Variants in SNAP91 observed in about 807,000 individuals in gnomAD.
SNAP91 encodes synaptosome associated protein 91, also known as clathrin coat assembly protein AP180.
In SNAP91, 27 loss-of-function variants were observed where a neutral mutation model predicts 100.3. The observed-to-expected ratio is 0.27, with a 90% CI of 0.20 to 0.37. The LOEUF is 0.37. Among genes scored for constraint, SNAP91 ranks in the 10% least tolerant of loss-of-function variants. The pLI, the probability that SNAP91 is intolerant of heterozygous loss-of-function variation, is 1.00. For synonymous variants in SNAP91, 404 were observed against 398.6 expected, an observed-to-expected ratio of 1.01 and a Z score of -0.16; for missense variants, 986 against 1,123.7, an observed-to-expected ratio of 0.88 and a Z score of 1.75.
chr6:83,618,030 A>G (rs915523043), intron 9 of SNAP91, among the ~76,000 whole-genome samples: 1 of 151,960 alleles, frequency 6.6e-6, no homozygotes, highest in Admixed American at 6.6e-5. Context: ...AGGAACTCAC[A>G]GAATTCACAG....
Position 83,618,703 on chromosome 6 carries a change from T to C in SNAP91, c.808-1664A>G, listed in dbSNP as rs1562370087. 5.3e-5 allele frequency among the ~76,000 whole-genome samples: 8 copies of C among 152,122 alleles called. No homozygotes were observed. The South Asian group carries it at 1.5e-3, about 28-fold the overall frequency. On this transcript the variant is annotated intron_variant, in intron 9 of 29. Transcript: ENST00000369694. ...TAATTGCCAGTGATGATGATAATGA[T>C]GATGACGATGATGGAATTTAGGAGG...
intron 26 of SNAP91, among the ~76,000 whole-genome samples, chr6:83,563,371 G>A (rs1442287279): frequency 6.6e-6 from 1 of 151,854 alleles, no homozygotes; most frequent in Non-Finnish European, 1.5e-5. Context: ...AGAAAAGCAG[G>A]GAAATTCCTC....
intron 8 of SNAP91, among the ~76,000 whole-genome samples, chr6:83,627,510 C>G (rs1454716693): frequency 1.3e-5 from 2 of 151,856 alleles, no homozygotes; most frequent in Non-Finnish European, 2.9e-5. Context: ...GGTTTTTTTA[C>G]TACTGAAGTC....
intron 2 of SNAP91, among the ~76,000 whole-genome samples, chr6:83,680,909 G>A (rs760334837): frequency 2.0e-5 from 3 of 152,190 alleles, no homozygotes; most frequent in East Asian, 3.9e-4. Flanking sequence ...GTAGGACCCC[G>A]GGGAAACTGT....
chr6:83,577,778 C>T lies in SNAP91; in HGVS notation c.2300-1725G>A, dbSNP rs188699672. On this transcript the variant is annotated intron_variant, in intron 24 of 29. Transcript: ENST00000369694. Reference sequence around the variant, plus strand: ...CCATAAAATTCACTCTTTTAAAGTACGTAATTCAATGGTTTTAGTTTATTC... The same window carrying T: ...CCATAAAATTCACTCTTTTAAAGTATGTAATTCAATGGTTTTAGTTTATTC... Among the ~76,000 whole-genome samples, 44 of 152,210 alleles carry T rather than the reference C, an allele frequency of 2.9e-4. No individual in the cohort carries two copies. The East Asian group carries it at 4.8e-3, about 17-fold the overall frequency.
intron 8 of SNAP91, among the ~76,000 whole-genome samples, chr6:83,635,846 G>T (rs541803350): frequency 6.6e-6 from 1 of 152,208 alleles, no homozygotes; most frequent in East Asian, 1.9e-4. Flanking sequence ...CCTTAAGCAC[G>T]TCTTTTAAGG....
intron 9 of SNAP91, among the ~76,000 whole-genome samples, chr6:83,622,000 T>C (rs563144009): frequency 3.9e-5 from 6 of 152,248 alleles, no homozygotes; most frequent in African/African-American, 1.4e-4. Context: ...TCTTTGCTTT[T>C]AATTATAGTG....
Position 83,592,530 on chromosome 6 carries a change from A to G in SNAP91, c.1855T>C (p.Phe619Leu). Residue 619 changes from phenylalanine to leucine, a missense_variant, in exon 21 of 30, where the codon TTT becomes CTT. By Grantham distance (22) the Phe-to-Leu change is conservative. Coordinates refer to ENST00000369694, the MANE Select transcript of SNAP91 (RefSeq NM_001242792.2). ...LTADLLSVDA[F>L]AAPSPATTAS... ...GTGGTTGCAGGAGATGGTGCTGCAA[A>G]TGCATCCACTGCAGTGAAGCACAGA... 1 of 1,607,930 alleles carries G rather than the reference A, an allele frequency of 6.2e-7. No individual in the cohort carries two copies. Among genetic ancestry groups the G allele is most frequent in the Non-Finnish European group, 8.5e-7 (1 of 1,177,106 alleles).
At chr6:83,590,587 T>A (rs768158228) in intron 22 of SNAP91, among the ~76,000 whole-genome samples, 1 of 152,108 alleles carries the variant, frequency 6.6e-6, no homozygotes, top group African/African-American at 2.4e-5. Flanking sequence ...GTGGTCTATG[T>A]AATAGCAGTT....
chr6:83,641,149 T>C lies in SNAP91; in HGVS notation c.712A>G (p.Lys238Glu). 2 of 1,546,796 alleles carry C rather than the reference T, an allele frequency of 1.3e-6. No individual in the cohort carries two copies. Among genetic ancestry groups the C allele is most frequent in the Non-Finnish European group, 1.7e-6 (2 of 1,148,036 alleles). Residue 238 changes from lysine (K) to glutamate (E), a missense_variant, in exon 8 of 30, where the codon AAA (lysine) becomes GAA (glutamate). By Grantham distance (56) the Lys-to-Glu change is moderately conservative (BLOSUM62 1). Coordinates refer to ENST00000369694, the MANE Select transcript of SNAP91 (RefSeq NM_001242792.2). ...CGTGTCATTCTAGTTAGAAATCGTT[T>C]GTAAATTTCTAGAGCATCTTTACAT... ...GQCKDALEIYKRFLTRMTRVS... is the reference protein window; with the variant it reads ...GQCKDALEIYERFLTRMTRVS...
In SNAP91 at chr6:83,593,496, CAGG is replaced by C. The variant is rs1244131907; in HGVS notation, c.1675_1677del (p.Pro559del). On this transcript the variant is annotated inframe_deletion, in exon 18 of 30. Transcript: ENST00000369694. ...AAATTACCACCAAAGATATCTAGAGCAGGAGGAGCAGTGGTGGCGGTGGCAGCG... is the reference window on the plus strand; with the variant it reads ...AAATTACCACCAAAGATATCTAGAGCAGGAGCAGTGGTGGCGGTGGCAGCG... The C allele has an allele frequency of 5.2e-6, 8 of 1,552,004 alleles. No homozygotes were observed. The highest frequency in any genetic ancestry group is 7.0e-6 in the Non-Finnish European group (8 of 1,147,140).
intron 2 of SNAP91, among the ~76,000 whole-genome samples, chr6:83,701,453 T>C (rs549060008): frequency 6.6e-6 from 1 of 151,998 alleles, no homozygotes; most frequent in Non-Finnish European, 1.5e-5. Context: ...AATTCTTTTT[T>C]TTTTTTTTTG....
rs369761865 is a variant in SNAP91 at position 83,642,189 on chromosome 6, T to TTA, written c.659-989_659-988dup. ...ATTTTTTCAGTATTCTTTTTTTAATTTATATATATATTTATTATATTTTAA... is the reference window on the plus strand; with the variant it reads ...ATTTTTTCAGTATTCTTTTTTTAATTTATATATATATATTTATTATATTTTAA... On this transcript the variant is annotated intron_variant, in intron 7 of 29. Transcript: ENST00000369694. Among the ~76,000 whole-genome samples the TTA allele has an allele frequency of 5.7e-3, 872 of 151,846 alleles. 13 individuals are homozygous for TTA. Among genetic ancestry groups the TTA allele is most frequent in the Middle Eastern group, 0.048 (14 of 294 alleles).
chr6:83,639,528 A>G (rs1000047987), intron 8 of SNAP91, among the ~76,000 whole-genome samples: 7 of 152,242 alleles, frequency 4.6e-5, no homozygotes, highest in African/African-American at 1.2e-4. Flanking sequence ...TTATTTAAAG[A>G]CAGACTCTTA....
intron 2 of SNAP91, among the ~76,000 whole-genome samples, chr6:83,703,137 T>C (rs1489220964): frequency 6.6e-6 from 1 of 151,152 alleles, no homozygotes; most frequent in African/African-American, 2.4e-5. Context: ...TATGTTCTGG[T>C]ACAGTAAAGT....
chr6:83,632,217 G>A (rs932525404), intron 8 of SNAP91, among the ~76,000 whole-genome samples: 5 of 152,060 alleles, frequency 3.3e-5, no homozygotes, highest in African/African-American at 1.2e-4. Context: ...TGAGAAATCT[G>A]CTGCTAATGT....
At chr6:83,704,749 A>G (rs1193916667) in intron 2 of SNAP91, among the ~76,000 whole-genome samples, 1 of 152,118 alleles carries the variant, frequency 6.6e-6, no homozygotes, top group Non-Finnish European at 1.5e-5. Context: ...CTAAACTCCA[A>G]ACTAAAAAGT....
intron 14 of SNAP91, 42 bp from the exon 15 acceptor site, chr6:83,601,641 G>A: frequency 6.2e-7 from 1 of 1,602,522 alleles, no homozygotes; most frequent in Non-Finnish European, 8.5e-7. Context: ...ATAAATAAGA[G>A]CTAAAGTTGA....
At chr6:83,586,457 A>T (rs2092651789) in intron 22 of SNAP91, among the ~76,000 whole-genome samples, 1 of 152,152 alleles carries the variant, frequency 6.6e-6, no homozygotes, top group African/African-American at 2.4e-5. Context: ...GTCACCCTAA[A>T]ATTGTGTCTA....
Sources: gnomAD v4.1 joint callset for allele counts (sites outside exome capture counted in the v4.1 genomes callset) on GRCh38, gnomAD v4.1.1 for gene constraint, MANE v1.5 for transcripts, NCBI Gene and HGNC (gene_info 2026-07-23, HGNC 2026-07-21) for gene names.